REV1: variants seen among roughly 807,000 people sequenced by gnomAD.
The protein encoded by REV1 is REV1 DNA directed polymerase, also known as translesion synthesis protein REV1.
Under a neutral mutation model 137.4 loss-of-function variants are expected in REV1, and 42 were observed. The observed-to-expected ratio is 0.31, with a 90% confidence interval of 0.24 to 0.40. REV1 has a LOEUF of 0.40. Among genes scored for constraint, REV1 ranks in the 10% least tolerant of loss-of-function variants. The pLI is 1.00. For missense variants in REV1, 1,282 were observed against 1,490.1 expected, an observed-to-expected ratio of 0.86 and a Z score of 2.30; for synonymous variants, 524 against 519.2, an observed-to-expected ratio of 1.01 and a Z score of -0.12.
chr2:99,485,212 C>CAT (rs897026828), intron 1 of REV1, among the ~76,000 whole-genome samples: 61 of 152,134 alleles, frequency 4.0e-4, no homozygotes, highest in African/African-American at 1.3e-3. Flanking sequence ...TTACCACAGG[C>CAT]AGAATCTTAG....
intron 4 of REV1, among the ~76,000 whole-genome samples, chr2:99,446,445 G>A (rs942275460): frequency 2.0e-5 from 3 of 152,096 alleles, no homozygotes; most frequent in African/African-American, 7.2e-5. Context: ...GGCGCATCTG[G>A]CAAAAAGAAC....
chr2:99,460,863 A>G (rs1684104891), intron 3 of REV1, among the ~76,000 whole-genome samples: 1 of 152,156 alleles, frequency 6.6e-6, no homozygotes, highest in African/African-American at 2.4e-5. Flanking sequence ...TTAGTGATAA[A>G]AGCAGATTTA....
At chr2:99,404,862 A>T (rs559224775) in intron 17 of REV1, among the ~76,000 whole-genome samples, 185 bp from the exon 18 acceptor site, 2 of 152,292 alleles carry the variant, frequency 1.3e-5, no homozygotes, top group East Asian at 3.9e-4. Flanking sequence ...GCCTTTTGTC[A>T]TTGAAGCCTG....
chr2:99,484,386 A>T (rs10173883), intron 1 of REV1, among the ~76,000 whole-genome samples: 2 of 151,736 alleles, frequency 1.3e-5, no homozygotes, highest in Non-Finnish European at 2.9e-5. Flanking sequence ...TAGAAGTTTA[A>T]AAAAAAAATT....
At chr2:99,435,713 T>C (rs960432965) in intron 7 of REV1, 121 bp downstream of exon 7, 1 of 567,922 alleles carries the variant, frequency 1.8e-6, no homozygotes, top group Admixed American at 3.8e-5. Flanking sequence ...TATAGAAAAT[T>C]TGGAAGAACC....
intron 10 of REV1, 127 bp from the exon 11 acceptor site, chr2:99,421,780 C>G (rs1222626533): frequency 9.8e-7 from 1 of 1,020,712 alleles, no homozygotes; most frequent in Non-Finnish European, 1.4e-6. Flanking sequence ...AATGAATTGG[C>G]TGAAGTACCA....
At chr2:99,454,828 C>T (rs1211299974) in intron 3 of REV1, among the ~76,000 whole-genome samples, 1 of 152,152 alleles carries the variant, frequency 6.6e-6, no homozygotes, top group African/African-American at 2.4e-5. Flanking sequence ...TGAGGTTTAA[C>T]TAAAACCAGA....
At chr2:99,465,819 T>C (rs576545761) in intron 1 of REV1, among the ~76,000 whole-genome samples, 15 of 152,334 alleles carry the variant, frequency 9.8e-5, no homozygotes, top group African/African-American at 3.6e-4. Context: ...TATGAAGCCT[T>C]ATATATTATC....
chr2:99,406,343 C>T lies in REV1; in HGVS notation c.2596G>A (p.Glu866Lys), dbSNP rs756399485. 10 of 1,611,542 alleles carry T rather than the reference C, an allele frequency of 6.2e-6. No homozygotes were observed. Among genetic ancestry groups the T allele is most frequent in the East Asian group, 2.2e-5 (1 of 44,852 alleles). Residue 866 changes from glutamate (E) to lysine (K), a missense_variant, in exon 16 of 23, where the codon GAA (glutamate) becomes AAA (lysine). By Grantham distance (56) the Glu-to-Lys change is moderately conservative. Transcript: ENST00000258428. ...FQVQKAKKST[E>K]EEHKEVFRAA... Reference sequence around the variant, plus strand: ...CACCAACCTTCTTTGTGCTCCTCTTCGGTGGATTTCTTAGCTTTCTGAACT... The same window carrying T: ...CACCAACCTTCTTTGTGCTCCTCTTTGGTGGATTTCTTAGCTTTCTGAACT...
chr2:99,441,614 A>G (rs1681497548), intron 5 of REV1, among the ~76,000 whole-genome samples: 1 of 152,146 alleles, frequency 6.6e-6, no homozygotes, highest in African/African-American at 2.4e-5. Flanking sequence ...AAATATTAAC[A>G]TTTTCATTGT....
intron 1 of REV1, among the ~76,000 whole-genome samples, chr2:99,467,474 G>C (rs1189616649): frequency 1.3e-5 from 2 of 152,072 alleles, no homozygotes; most frequent in African/African-American, 4.8e-5. Context: ...ATTCCAAAGA[G>C]GACAAAAATC....
intron 1 of REV1, among the ~76,000 whole-genome samples, chr2:99,468,637 C>G (rs115247471): frequency 0.014 from 2,113 of 152,324 alleles, 46 homozygotes; most frequent in African/African-American, 0.048. Context: ...AATGTGATAA[C>G]AGTTTCTGAA....
intron 6 of REV1, among the ~76,000 whole-genome samples, 179 bp downstream of exon 6, chr2:99,438,422 T>C (rs1681044193): frequency 6.6e-6 from 1 of 152,220 alleles, no homozygotes; most frequent in South Asian, 2.1e-4. Context: ...TATCTAATTG[T>C]TTTAAAAATA....
Position 99,401,253 on chromosome 2 carries a change from T to C in REV1, c.3744A>G (p.Leu1248=). Residue 1248 remains leucine (L), a synonymous_variant, in exon 23 of 23, where the codon TTA becomes TTG. Coordinates refer to ENST00000258428, the MANE Select transcript of REV1 (RefSeq NM_016316.4). The stretch of plus-strand genomic sequence containing the variant: ...TCTCTGGTAATATTTATGTAACTTT[T>C]AATGTGCTTCCATAAGTTTGTTGTA... ...VVLQQTYGST[L]KVT 6.2e-7 allele frequency: 1 copy of C among 1,604,378 alleles called. No individual in the cohort carries two copies. Among genetic ancestry groups the C allele is most frequent in the Non-Finnish European group, 8.5e-7 (1 of 1,171,180 alleles).
chr2:99,437,962 T>C (rs995139705), intron 6 of REV1, among the ~76,000 whole-genome samples: 1 of 152,110 alleles, frequency 6.6e-6, no homozygotes, highest in African/African-American at 2.4e-5. Flanking sequence ...AGAGTATTAA[T>C]CTCTGAGGTC....
intron 3 of REV1, chr2:99,451,536 T>A (rs1160025301): frequency 7.9e-7 from 1 of 1,263,024 alleles, no homozygotes; most frequent in African/African-American, 1.5e-5. Context: ...AACTATGGAA[T>A]AAGACCGATC....
chr2:99,416,120 G>A (rs1677824658), intron 12 of REV1, among the ~76,000 whole-genome samples: 1 of 152,244 alleles, frequency 6.6e-6, no homozygotes, highest in South Asian at 2.1e-4. Context: ...GGACTAAAGA[G>A]GTTGGAGATG....
intron 1 of REV1, among the ~76,000 whole-genome samples, chr2:99,477,621 TAGAC>T (rs1390040224): frequency 2.0e-5 from 3 of 152,200 alleles, no homozygotes; most frequent in African/African-American, 4.8e-5. Context: ...AAATTAAAAA[TAGAC>T]AAACAATAAG....
intron 1 of REV1, among the ~76,000 whole-genome samples, chr2:99,466,449 C>T (rs1181498880): frequency 6.6e-6 from 1 of 151,600 alleles, no homozygotes; most frequent in Non-Finnish European, 1.5e-5. Flanking sequence ...ACCATGTTGG[C>T]CAGGCTGGTC....
Sources: gnomAD v4.1 joint callset for allele counts (sites outside exome capture counted in the v4.1 genomes callset) on GRCh38, gnomAD v4.1.1 for gene constraint, MANE v1.5 for transcripts, NCBI Gene and HGNC (gene_info 2026-07-23, HGNC 2026-07-21) for gene names.